Variants in PAN3 observed in about 807,000 individuals in gnomAD.
PAN3 encodes the protein poly(A) specific ribonuclease subunit PAN3.
PAN3 carries 19 observed loss-of-function variants against 96.2 expected under a neutral mutation model. The observed-to-expected ratio is 0.20, with a 90% CI of 0.14 to 0.29. The LOEUF (loss-of-function observed/expected upper bound fraction) is 0.29. Ranked by LOEUF, PAN3 falls within the 10% of genes least tolerant of loss-of-function variation. PAN3 has a pLI of 1.00. For missense variants in PAN3, 882 were observed against 1,108.1 expected (o/e 0.80, Z 2.90); for synonymous variants, 433 against 406.6 (o/e 1.06, Z -0.78).
intron 12 of PAN3, among the ~76,000 whole-genome samples, 171 bp downstream of exon 12, chr13:28,267,572 C>A (rs1415529609): frequency 6.6e-6 from 1 of 152,126 alleles, no homozygotes; most frequent in Non-Finnish European, 1.5e-5. Context: ...ATACCCGAGA[C>A]TGGGCAATTT....
At chr13:28,289,587 A>G (rs1869451215) in intron 18 of PAN3, among the ~76,000 whole-genome samples, 1 of 152,196 alleles carries the variant, frequency 6.6e-6, no homozygotes, top group Non-Finnish European at 1.5e-5. Flanking sequence ...TGTTTTAGAA[A>G]AGGTTGGGAA....
chr13:28,143,126 T>C (rs1870091532), intron 1 of PAN3, among the ~76,000 whole-genome samples: 1 of 151,738 alleles, frequency 6.6e-6, no homozygotes, highest in Non-Finnish European at 1.5e-5. Flanking sequence ...TTTTGTTTTT[T>C]TTGAGGAGGG....
chr13:28,256,239 TTC>T lies in PAN3; in HGVS notation c.1001-49_1001-48del, dbSNP rs1885123748. The T allele has an allele frequency of 1.6e-5, 24 of 1,544,940 alleles. No individual in the cohort carries two copies. The South Asian group carries it at 2.8e-4, about 18-fold the overall frequency. On this transcript the variant is annotated intron_variant, in intron 6 of 18. Transcript: ENST00000380958. ...GTTTGCATTTTATTTTCCAGACTTG[TTC>T]TCTAAAACCAATTATTGCTCCATTA...
chr13:28,276,273 G>A (rs1257600141), intron 14 of PAN3, among the ~76,000 whole-genome samples: 1 of 152,144 alleles, frequency 6.6e-6, no homozygotes, highest in Non-Finnish European at 1.5e-5. Flanking sequence ...ATAAACGAAT[G>A]TTCAGTAAAT....
At chr13:28,159,244 A>C (rs1421592630) in intron 1 of PAN3, among the ~76,000 whole-genome samples, 1 of 152,224 alleles carries the variant, frequency 6.6e-6, no homozygotes, top group Non-Finnish European at 1.5e-5. Flanking sequence ...AATTTGGGGC[A>C]TGTACACCAT....
rs193012203 is a variant in PAN3 at position 28,201,300 on chromosome 13, C to T, written c.852+3954C>T. ...CTCAAGCTATCCTCCTGCCTTGGCA[C>T]GCCAAAGTGTTGGGATTACAGGTGT... On this transcript the variant is annotated intron_variant, in intron 5 of 18. Transcript: ENST00000380958. 3.2e-3 allele frequency among the ~76,000 whole-genome samples: 488 copies of T among 151,668 alleles called. 1 individual carries two copies. The highest frequency in any genetic ancestry group is 5.0e-3 in the Non-Finnish European group (338 of 67,892).
In PAN3 at chr13:28,266,762, C is replaced by T. The variant is rs1217428073; in HGVS notation, c.1459C>T (p.Pro487Ser). The T allele has an allele frequency of 6.2e-7, 1 of 1,609,454 alleles. No homozygotes were observed. ...DSYHSLFPLE[P>S]LPPPNRIQKS... ...CTACCATAGCCTATTCCCTCTAGAA[C>T]CACTGCCACCTCCCAACCGGATACA... The change falls in exon 10 of 19, where the codon CCA becomes TCA. Residue 487 changes from proline to serine, a missense_variant. This residue lies in a region of PAN3 where 364 missense variants were observed against 513.6 expected (regional missense o/e 0.71). Coordinates refer to ENST00000380958, the MANE Select transcript of PAN3 (RefSeq NM_175854.8).
At chr13:28,253,626 G>T (rs138202688) in intron 6 of PAN3, among the ~76,000 whole-genome samples, 1 of 150,920 alleles carries the variant, frequency 6.6e-6, no homozygotes. Context: ...AGAGAGACAG[G>T]GTCTCGCTAT....
intron 18 of PAN3, among the ~76,000 whole-genome samples, chr13:28,288,848 T>TTTTTA (rs1869318174): frequency 3.4e-5 from 1 of 29,596 alleles, no homozygotes; most frequent in African/African-American, 1.9e-4. Flanking sequence ...TTTTTTTTTT[T>TTTTTA]GAGACGGAGT....
At chr13:28,179,441 CA>C (rs1875474623) in intron 4 of PAN3, among the ~76,000 whole-genome samples, 1 of 152,148 alleles carries the variant, frequency 6.6e-6, no homozygotes, top group Non-Finnish European at 1.5e-5. Flanking sequence ...CTTGGCTGGG[CA>C]AGGGGCTCAG....
At chr13:28,290,333 T>G (rs1869589118) in intron 18 of PAN3, among the ~76,000 whole-genome samples, 1 of 152,202 alleles carries the variant, frequency 6.6e-6, no homozygotes, top group African/African-American at 2.4e-5. Context: ...TACTTTGCCT[T>G]CCTTTAACTT....
chr13:28,251,456 G>A (rs1438964919), intron 6 of PAN3, among the ~76,000 whole-genome samples: 1 of 152,026 alleles, frequency 6.6e-6, no homozygotes, highest in Admixed American at 6.5e-5. Context: ...TCCAAAGCAG[G>A]TCGAGTATTG....
At chr13:28,169,204 T>G (rs1873967101) in intron 1 of PAN3, among the ~76,000 whole-genome samples, 1 of 148,894 alleles carries the variant, frequency 6.7e-6, no homozygotes, top group Non-Finnish European at 1.5e-5. Flanking sequence ...ATGCATTTTC[T>G]CATTTTTTTT....
intron 5 of PAN3, among the ~76,000 whole-genome samples, chr13:28,201,013 T>C (rs1878622331): frequency 6.6e-6 from 1 of 152,094 alleles, no homozygotes. Flanking sequence ...TACTTTTTTA[T>C]TGTGAAACTC....
chr13:28,226,953 A>G (rs918969534), intron 6 of PAN3, among the ~76,000 whole-genome samples: 1 of 152,210 alleles, frequency 6.6e-6, no homozygotes, highest in African/African-American at 2.4e-5. Context: ...TAAATTAACA[A>G]CTATTTTATG....
chr13:28,220,000 C>CT (rs1318088255), intron 5 of PAN3, among the ~76,000 whole-genome samples: 2 of 152,132 alleles, frequency 1.3e-5, no homozygotes, highest in Admixed American at 6.6e-5. Context: ...TTACACATTA[C>CT]TGAGGTTAAA....
At chr13:28,162,672 A>G (rs1456595465) in intron 1 of PAN3, among the ~76,000 whole-genome samples, 1 of 151,630 alleles carries the variant, frequency 6.6e-6, no homozygotes, top group Admixed American at 6.6e-5. Flanking sequence ...TTTAATTGAA[A>G]ATAAAAGTTT....
intron 14 of PAN3, among the ~76,000 whole-genome samples, chr13:28,276,454 G>C (rs1015397065): frequency 6.6e-6 from 1 of 152,152 alleles, no homozygotes; most frequent in African/African-American, 2.4e-5. Flanking sequence ...TGACCATACT[G>C]TTTCCTGGAG....
chr13:28,145,057 C>G (rs1870447570), intron 1 of PAN3, among the ~76,000 whole-genome samples: 1 of 151,968 alleles, frequency 6.6e-6, no homozygotes, highest in Admixed American at 6.6e-5. Flanking sequence ...GGAATTTTTC[C>G]CCCAATTTTA....
Sources: gnomAD v4.1 joint callset for allele counts (sites outside exome capture counted in the v4.1 genomes callset) on GRCh38, gnomAD v4.1.1 for gene constraint, gnomAD v4.1.1 regional missense constraint, MANE v1.5 for transcripts, NCBI Gene and HGNC (gene_info 2026-07-23, HGNC 2026-07-21) for gene names.